The following DEPDC4 variants were observed in gnomAD, a reference collection of about 807,000 sequenced individuals.
DEPDC4 encodes the protein DEP domain containing 4, also known as DEP domain-containing protein 4.
In DEPDC4, 52 loss-of-function variants were observed where a neutral mutation model predicts 52.0. The observed-to-expected ratio is 1.00, with a 90% confidence interval of 0.80 to 1.26. The LOEUF (loss-of-function observed/expected upper bound fraction) is 1.26. DEPDC4 is among the 50% of genes most tolerant of loss of function. DEPDC4 has a pLI of 0.00. For synonymous variants in DEPDC4, 201 were observed against 196.8 expected (o/e 1.02, Z -0.18); for missense variants, 530 against 546.9 (o/e 0.97, Z 0.31).
At chr12:100,256,968 G>A (rs1370768980) in intron 3 of DEPDC4, among the ~76,000 whole-genome samples, 3 of 151,838 alleles carry the variant, frequency 2.0e-5, no homozygotes, top group Non-Finnish European at 2.9e-5. Flanking sequence ...CTAAAATACA[G>A]TATTAGGCTA....
the DEPDC4 span, among the ~76,000 whole-genome samples, chr12:100,276,989 T>A: frequency 6.6e-6 from 1 of 152,142 alleles, no homozygotes; most frequent in East Asian, 1.9e-4. Context: ...TGTGATTTCT[T>A]TTTTAGCCCT....
chr12:100,279,444 T>C, the DEPDC4 span, among the ~76,000 whole-genome samples: 21 of 152,232 alleles, frequency 1.4e-4, no homozygotes, highest in Non-Finnish European at 2.5e-4. Context: ...GGGTCTACTG[T>C]TGTATAAGTC....
chr12:100,259,245 GATGACAACC>G (rs957176746), intron 3 of DEPDC4, among the ~76,000 whole-genome samples: 32 of 152,082 alleles, frequency 2.1e-4, no homozygotes, highest in Admixed American at 1.9e-3. Context: ...CAGACACCAG[GATGACAACC>G]ATGCACCAAG....
chr12:100,274,706 G>A, the DEPDC4 span, among the ~76,000 whole-genome samples: 2 of 152,092 alleles, frequency 1.3e-5, no homozygotes, highest in Non-Finnish European at 2.9e-5. Flanking sequence ...TTAGTCAAGT[G>A]GGAAAAAATT....
chr12:100,266,676 C>G (rs145441727), intron 1 of DEPDC4, among the ~76,000 whole-genome samples: 2 of 152,174 alleles, frequency 1.3e-5, no homozygotes, highest in Non-Finnish European at 2.9e-5. Flanking sequence ...CCTAGGGATT[C>G]GTATGTATAT....
At chr12:100,234,286 C>T (rs77872999) in intron 9 of DEPDC4, among the ~76,000 whole-genome samples, 4,101 of 152,214 alleles carry the variant, frequency 0.027, 125 homozygotes, top group African/African-American at 0.069. Context: ...AATCTGGGTA[C>T]GGCATGGCCA....
upstream of DEPDC4, among the ~76,000 whole-genome samples, chr12:100,267,978 T>TG (rs574888759): frequency 1.5e-3 from 236 of 152,292 alleles, 2 homozygotes; most frequent in Non-Finnish European, 2.6e-3. Context: ...CCTGCAGTCT[T>TG]GTTTTTCTAA....
chr12:100,248,651 G>A (rs1393447344), intron 8 of DEPDC4, among the ~76,000 whole-genome samples: 1 of 152,184 alleles, frequency 6.6e-6, no homozygotes, highest in African/African-American at 2.4e-5. Context: ...AATTGAAGGG[G>A]AGGTGAGAAT....
intron 3 of DEPDC4, among the ~76,000 whole-genome samples, chr12:100,257,358 G>A (rs749281562): frequency 4.4e-4 from 67 of 151,964 alleles, no homozygotes; most frequent in Non-Finnish European, 8.4e-4. Flanking sequence ...GATTACAGGC[G>A]TGAGCCACTG....
chr12:100,237,428 G>A (rs954040593), downstream of DEPDC4, among the ~76,000 whole-genome samples: 3 of 152,092 alleles, frequency 2.0e-5, no homozygotes, highest in African/African-American at 4.8e-5. Context: ...GGCTGGACTC[G>A]AACTCCTGAC....
chr12:100,251,206 G>A (rs1009748194), intron 7 of DEPDC4, among the ~76,000 whole-genome samples: 24 of 151,842 alleles, frequency 1.6e-4, no homozygotes, highest in African/African-American at 5.8e-4. Flanking sequence ...AGTAGCTGGG[G>A]TTAAAGGCAT....
chr12:100,249,290 A>C (rs77425487), intron 7 of DEPDC4, among the ~76,000 whole-genome samples: 4,876 of 152,312 alleles, frequency 0.032, 239 homozygotes, highest in African/African-American at 0.11. Flanking sequence ...AAATAACATT[A>C]CATTGTAATT....
chr12:100,233,701 G>A (rs1229361880), intron 9 of DEPDC4, among the ~76,000 whole-genome samples: 2 of 152,060 alleles, frequency 1.3e-5, no homozygotes, highest in Non-Finnish European at 2.9e-5. Flanking sequence ...CAACTTTTTT[G>A]GTTTTTGTGT....
intron 9 of DEPDC4, among the ~76,000 whole-genome samples, chr12:100,233,071 G>C (rs555142378): frequency 5.3e-5 from 8 of 152,216 alleles, no homozygotes; most frequent in Non-Finnish European, 1.0e-4. Context: ...TCAAAACAAC[G>C]AGTAAACTGT....
chr12:100,239,128 G>A (rs556295954), downstream of DEPDC4, among the ~76,000 whole-genome samples: 11 of 152,312 alleles, frequency 7.2e-5, no homozygotes, highest in South Asian at 2.1e-3. Context: ...TGAGGCTGGA[G>A]TGCAGCGGTG....
chr12:100,268,592 A>G (rs2096282933), upstream of DEPDC4, among the ~76,000 whole-genome samples: 1 of 152,224 alleles, frequency 6.6e-6, no homozygotes, highest in South Asian at 2.1e-4. Context: ...TTAGATTTAC[A>G]TTACTCACAT....
chr12:100,237,207 CTTT>C (rs55710732), downstream of DEPDC4, among the ~76,000 whole-genome samples: 6 of 136,142 alleles, frequency 4.4e-5, no homozygotes, highest in African/African-American at 8.4e-5. Context: ...TTTTCTTTTT[CTTT>C]TTTTTTTTTT....
intron 7 of DEPDC4, among the ~76,000 whole-genome samples, chr12:100,251,770 G>A (rs567359233): frequency 2.0e-4 from 30 of 152,284 alleles, no homozygotes; most frequent in Middle Eastern, 3.4e-3. Flanking sequence ...GTTTTGCCAT[G>A]TTGGCCAGGC....
At chr12:100,262,237 T>A in intron 3 of DEPDC4, 27 bp downstream of exon 3, 1 of 1,595,104 alleles carries the variant, frequency 6.3e-7, no homozygotes, top group Non-Finnish European at 8.5e-7. Flanking sequence ...CTTACCATGT[T>A]CTGAAAAAAT....
Sources: gnomAD v4.1 joint callset for allele counts (sites outside exome capture counted in the v4.1 genomes callset) on GRCh38, gnomAD v4.1.1 for gene constraint, MANE v1.5 for transcripts, NCBI Gene and HGNC (gene_info 2026-07-23, HGNC 2026-07-21) for gene names.